TENM1: variants seen among roughly 807,000 people sequenced by gnomAD.
TENM1 encodes the protein teneurin transmembrane protein 1.
A neutral mutation model predicts 174.8 loss-of-function variants in TENM1; 35 were observed. That is an observed-to-expected ratio of 0.20 (90% CI 0.15 to 0.27). The LOEUF is 0.27. Among genes scored for constraint, TENM1 ranks in the 10% least tolerant of loss-of-function variants. The probability of loss-of-function intolerance (pLI) is 1.00; values close to 1 mark genes in which losing one functional copy is unlikely to be tolerated. For missense variants in TENM1, 1,633 were observed against 2,130.1 expected (o/e 0.77, Z 4.59); for synonymous variants, 781 against 798.7 (o/e 0.98, Z 0.37).
intron 5 of TENM1, among the ~76,000 whole-genome samples, chrX:124,681,585 G>C (rs946220858): frequency 2.7e-5 from 3 of 111,443 alleles, no homozygotes; most frequent in African/African-American, 9.8e-5. Flanking sequence ...GGCCCTGTTG[G>C]GGATTTCACT....
At chrX:125,135,280 G>T in the TENM1 span, among the ~76,000 whole-genome samples, 1 of 111,988 alleles carries the variant, frequency 8.9e-6, no homozygotes, top group Non-Finnish European at 1.9e-5. Flanking sequence ...GATCTGTTGT[G>T]ATTTTAGCTC....
intron 1 of TENM1, among the ~76,000 whole-genome samples, chrX:124,959,992 C>A (rs1204896528): frequency 8.9e-6 from 1 of 112,111 alleles, no homozygotes; most frequent in Non-Finnish European, 1.9e-5. Context: ...TGCAATCAAT[C>A]TTCTACACTG....
chrX:125,184,066 G>C, the TENM1 span, among the ~76,000 whole-genome samples: 1 of 111,806 alleles, frequency 8.9e-6, no homozygotes, highest in Non-Finnish European at 1.9e-5. Context: ...CTTCCTGATT[G>C]ACAAACAAGG....
At chrX:124,397,181 A>C (rs752007027) in intron 27 of TENM1, among the ~76,000 whole-genome samples, 1 of 111,932 alleles carries the variant, frequency 8.9e-6, no homozygotes, top group African/African-American at 3.3e-5. Flanking sequence ...TATGGGGAAA[A>C]GCAAAGCCCT....
chrX:124,659,080 C>T (rs372731101), intron 6 of TENM1, among the ~76,000 whole-genome samples: 4 of 111,727 alleles, frequency 3.6e-5, no homozygotes, highest in African/African-American at 6.5e-5. Flanking sequence ...CAATCTCACA[C>T]GGTGTAATAC....
chrX:124,806,685 C>T (rs190238134), intron 3 of TENM1, among the ~76,000 whole-genome samples: 233 of 111,904 alleles, frequency 2.1e-3, no homozygotes, highest in African/African-American at 7.1e-3. Context: ...CTTGAGACTC[C>T]GTAATTTATA....
chrX:124,677,994 A>C (rs1266600544), intron 5 of TENM1, among the ~76,000 whole-genome samples: 1 of 111,871 alleles, frequency 8.9e-6, no homozygotes, highest in Non-Finnish European at 1.9e-5. Context: ...TTATTTCAAA[A>C]TAAAAAGCCA....
chrX:124,483,619 T>C (rs979485959), intron 21 of TENM1, among the ~76,000 whole-genome samples: 1 of 112,732 alleles, frequency 8.9e-6, no homozygotes, highest in African/African-American at 3.2e-5. Flanking sequence ...TCTGAACTAC[T>C]TCCTTGGTAC....
chrX:124,689,165 G>A (rs750502577), intron 5 of TENM1, among the ~76,000 whole-genome samples: 2 of 111,604 alleles, frequency 1.8e-5, no homozygotes, highest in South Asian at 7.5e-4. Flanking sequence ...TCAGAGGAAC[G>A]AACACCCTCA....
At chrX:125,115,184 T>G in the TENM1 span, among the ~76,000 whole-genome samples, 2 of 111,549 alleles carry the variant, frequency 1.8e-5, no homozygotes, top group Admixed American at 9.6e-5. Flanking sequence ...TCGATAAAAT[T>G]TAACACCCCT....
intron 24 of TENM1, among the ~76,000 whole-genome samples, chrX:124,421,732 T>C (rs2147747125): frequency 9.0e-6 from 1 of 110,979 alleles, no homozygotes; most frequent in African/African-American, 3.3e-5. Flanking sequence ...GAACTCTCCA[T>C]TGCCAGATTT....
At chrX:125,076,486 A>T in the TENM1 span, among the ~76,000 whole-genome samples, 2 of 111,329 alleles carry the variant, frequency 1.8e-5, no homozygotes, top group Non-Finnish European at 3.8e-5. Flanking sequence ...CATGAAAAGG[A>T]TCTCTCGTGA....
At position 124,449,014 on chromosome X, in the gene TENM1, A is replaced by T. The variant is rs2060998723; in HGVS notation, c.4104+4323T>A. 6.3e-5 allele frequency among the ~76,000 whole-genome samples: 7 copies of T among 111,893 alleles called. No individual in the cohort carries two copies. The Admixed American group carries it at 6.6e-4, about 11-fold the overall frequency. On this transcript the variant is annotated intron_variant, in intron 23 of 31. Transcript: ENST00000422452. The stretch of plus-strand genomic sequence containing the variant: ...CAATACAGTCTCCTTGTTTTGAGCC[A>T]GTCTGGGTGGACAAATTGGATTTAC...
chrX:124,736,793 G>C lies in TENM1; in HGVS notation c.776+164C>G, dbSNP rs534285391. On this transcript the variant is annotated intron_variant, in intron 4 of 31. Coordinates refer to ENST00000422452, the Ensembl canonical transcript of TENM1. ...GATGTTTGTGTCTGTTTGCACATCT[G>C]CGCCTGTGAAGGAGTCTTCCTTTTT... is the stretch of plus-strand genomic sequence containing the variant. Among the ~76,000 whole-genome samples, 18 of 112,209 alleles carry C rather than the reference G, an allele frequency of 1.6e-4. No homozygotes were observed. In the East Asian group the frequency reaches 2.2e-3, roughly 14 times the overall value.
At chrX:124,565,095 A>G (rs1338231618) in intron 12 of TENM1, among the ~76,000 whole-genome samples, 3 of 112,179 alleles carry the variant, frequency 2.7e-5, no homozygotes, top group Non-Finnish European at 5.6e-5. Context: ...ACCTTATTCC[A>G]ATGTAACATC....
At chrX:125,011,243 T>C in the TENM1 span, among the ~76,000 whole-genome samples, 11,573 of 111,104 alleles carry the variant, frequency 0.1, 539 homozygotes, top group South Asian at 0.22. Context: ...GAAGAAAACG[T>C]AGGTAATACC....
the TENM1 span, among the ~76,000 whole-genome samples, chrX:125,082,180 G>A: frequency 9.0e-6 from 1 of 110,519 alleles, no homozygotes; most frequent in East Asian, 2.8e-4. Context: ...TAAATGAAAG[G>A]CAAATGTAAG....
intron 3 of TENM1, among the ~76,000 whole-genome samples, chrX:124,757,060 GCTGT>G (rs2054272884): frequency 8.9e-6 from 1 of 112,526 alleles, no homozygotes; most frequent in African/African-American, 3.2e-5. Context: ...AGAGGTTACT[GCTGT>G]CTTTTTGTTT....
intron 23 of TENM1, among the ~76,000 whole-genome samples, chrX:124,444,950 G>A (rs920990773): frequency 8.1e-5 from 9 of 111,741 alleles, no homozygotes; most frequent in Non-Finnish European, 1.3e-4. Context: ...GGGCTTTGGC[G>A]TCAGGTTGAC....
Sources: gnomAD v4.1 joint callset for allele counts (sites outside exome capture counted in the v4.1 genomes callset) on GRCh38, gnomAD v4.1.1 for gene constraint, MANE v1.5 for transcripts, NCBI Gene and HGNC (gene_info 2026-07-23, HGNC 2026-07-21) for gene names.